PPP2R3B: variants seen among roughly 807,000 people sequenced by gnomAD.
PPP2R3B encodes the protein serine/threonine-protein phosphatase 2A regulatory subunit B'' subunit beta.
Under a neutral mutation model 72.9 loss-of-function variants are expected in PPP2R3B, and 68 were observed. The ratio of observed to expected loss-of-function variants is 0.93; its 90% confidence interval spans 0.77 to 1.14. The LOEUF (loss-of-function observed/expected upper bound fraction) is 1.14. PPP2R3B is among the 50% of genes most tolerant of loss of function. The pLI, the probability that PPP2R3B is intolerant of heterozygous loss-of-function variation, is 0.00. For missense variants in PPP2R3B, 1,018 were observed against 842.0 expected (o/e 1.21, Z -2.59); for synonymous variants, 466 against 375.8 (o/e 1.24, Z -2.78).
At chrX:344,209 A>G (rs1189958850) in intron 7 of PPP2R3B, among the ~76,000 whole-genome samples, 1 of 94,076 alleles carries the variant, frequency 1.1e-5, no homozygotes, top group Non-Finnish European at 2.4e-5. Context: ...CAGCAACGGG[A>G]GGCGGGATTG....
Position 341,918 on chromosome X carries a change from C to A in PPP2R3B, c.1050G>T (p.Lys350Asn). Residue 350 changes from lysine to asparagine, a missense_variant, in exon 8 of 13, where the codon AAG (lysine) becomes AAT (asparagine). By Grantham distance (94) the Lys-to-Asn change is moderately conservative (BLOSUM62 0). Transcript: ENST00000390665. ...CTCCTGAGAAGATCCTGTCTATCATCTTGGTAGAAAGGGCTGGAAAGGAAT... is the reference window on the plus strand; with the variant it reads ...CTCCTGAGAAGATCCTGTCTATCATATTGGTAGAAAGGGCTGGAAAGGAAT... ...ARHNDHALST[K>N]MIDRIFSGAV... The A allele has an allele frequency of 6.2e-7, 1 of 1,612,748 alleles. No individual in the cohort carries two copies. Among genetic ancestry groups the A allele is most frequent in the Non-Finnish European group, 8.5e-7 (1 of 1,179,762 alleles).
intron 10 of PPP2R3B, 151 bp from the exon 11 acceptor site, chrX:339,047 C>G (rs774238283): frequency 4.2e-6 from 3 of 722,472 alleles, no homozygotes; most frequent in Middle Eastern, 4.0e-4. Flanking sequence ...AAGGCGGACA[C>G]GCGAGTGTCC....
At chrX:364,660 G>T (rs1433614831) in intron 1 of PPP2R3B, among the ~76,000 whole-genome samples, 1 of 129,556 alleles carries the variant, frequency 7.7e-6, no homozygotes, top group African/African-American at 3.1e-5. Context: ...GGAGGTTGCA[G>T]TGAGCTGAGA....
rs1466461854 is a variant in PPP2R3B at position 334,175 on chromosome X, C to T, written c.*192G>A. 143 of 578,600 alleles carry T rather than the reference C, an allele frequency of 2.5e-4. No homozygotes were observed. In the East Asian group the frequency reaches 5.1e-3, roughly 21 times the overall value. 35.8% of individuals were successfully genotyped at this position (578,600 alleles called of 1,614,324 possible). On this transcript the variant is annotated 3_prime_UTR_variant, in exon 13 of 13. Coordinates refer to ENST00000390665, the MANE Select transcript of PPP2R3B (RefSeq NM_013239.5). ...CCCATTCACGCGCGGCCCTACGTGT[C>T]CCCCTGGCACAGAGCTCTGGGCAGG...
At chrX:374,224 T>TC (rs924831839) in intron 1 of PPP2R3B, among the ~76,000 whole-genome samples, 66 of 147,030 alleles carry the variant, frequency 4.5e-4, no homozygotes, top group African/African-American at 1.4e-3. Context: ...AGAAGTGAGG[T>TC]CCCCCCCCTC....
chrX:379,049 G>A lies in PPP2R3B; in HGVS notation c.324+7319C>T, dbSNP rs767412084. Among the ~76,000 whole-genome samples, 393 of 149,498 alleles carry A rather than the reference G, an allele frequency of 2.6e-3. 1 individual carries two copies. The highest frequency in any genetic ancestry group is 8.9e-3 in the African/African-American group (364 of 40,672). On this transcript the variant is annotated intron_variant, in intron 1 of 12. Transcript: ENST00000390665. ...TGCACCTGTGTGTGTGTATGCACCT[G>A]TGTGTTTGTGTGTATGCACCTGTGT... is the stretch of plus-strand genomic sequence containing the variant.
At chrX:361,330 C>T (rs1451114699) in intron 2 of PPP2R3B, 75 bp downstream of exon 2, 11 of 1,547,956 alleles carry the variant, frequency 7.1e-6, no homozygotes, top group Non-Finnish European at 9.7e-6. Flanking sequence ...ACGCACCCAC[C>T]ACGGCCGCTC....
intron 1 of PPP2R3B, among the ~76,000 whole-genome samples, chrX:368,188 C>T (rs1350371678): frequency 2.8e-5 from 4 of 145,040 alleles, no homozygotes; most frequent in African/African-American, 5.2e-5. Flanking sequence ...TGGGCACTGA[C>T]GGGGGGAAGG....
chrX:359,087 G>A (rs1246682439), intron 2 of PPP2R3B, among the ~76,000 whole-genome samples: 3 of 152,222 alleles, frequency 2.0e-5, no homozygotes, highest in Non-Finnish European at 2.9e-5. Context: ...GACCCGAAGC[G>A]GACGCAGCGC....
In PPP2R3B at chrX:386,645, TC is replaced by T; in HGVS notation, c.46del (p.Asp16ThrfsTer93). ...GCTGAGCCAGTACAGGAACAGCTCG[TC>T]CACCTTCATCTTCAGGACCGGCTGC... ...VLQPVLKMKV[D>X]ELFLYWLSEA... is the part of the protein sequence containing the mutation. On this transcript the variant is annotated frameshift_variant, in exon 1 of 13. Coordinates refer to ENST00000390665, the MANE Select transcript of PPP2R3B (RefSeq NM_013239.5). LOFTEE classifies it high-confidence loss of function. 7.0e-7 allele frequency: 1 copy of T among 1,418,864 alleles called. No individual in the cohort carries two copies. Among genetic ancestry groups the T allele is most frequent in the Non-Finnish European group, 9.2e-7 (1 of 1,086,322 alleles). 87.9% of individuals were successfully genotyped at this position (1,418,864 alleles called of 1,614,324 possible). A position where few individuals can be genotyped will look rare whatever the true frequency, so the allele number is the denominator to read the frequency against.
At chrX:370,578 T>C (rs2071837596) in intron 1 of PPP2R3B, among the ~76,000 whole-genome samples, 1 of 152,176 alleles carries the variant, frequency 6.6e-6, no homozygotes, top group Non-Finnish European at 1.5e-5. Context: ...GCTCCTGAGC[T>C]TGGTCTTCTG....
rs1344338809 is a variant in PPP2R3B at position 386,575 on chromosome X, G to C, written c.117C>G (p.Ile39Met). Reference sequence around the variant, plus strand: ...TCGGCTGGTCCCGCCCGGGCGCCTTGATCCGGCGCAGGCAGTCCTGCAGCA... The same window carrying C: ...TCGGCTGGTCCCGCCCGGGCGCCTTCATCCGGCGCAGGCAGTCCTGCAGCA... Reference protein sequence around the residue: ...QRMLQDCLRRIKAPGRDQPTP... With the variant: ...QRMLQDCLRRMKAPGRDQPTP... Residue 39 changes from isoleucine (I) to methionine (M), a missense_variant, in exon 1 of 13, where the codon ATC becomes ATG. Ile to Met is a conservative substitution (Grantham distance 10). Coordinates refer to ENST00000390665, the MANE Select transcript of PPP2R3B (RefSeq NM_013239.5). The C allele has an allele frequency of 2.8e-6, 4 of 1,447,354 alleles. No individual in the cohort carries two copies. Among genetic ancestry groups the C allele is most frequent in the East Asian group, 6.2e-5 (2 of 32,254 alleles). 89.7% of individuals were successfully genotyped at this position (1,447,354 alleles called of 1,614,324 possible). A position where few individuals can be genotyped will look rare whatever the true frequency, so the allele number is the denominator to read the frequency against.
intron 1 of PPP2R3B, among the ~76,000 whole-genome samples, chrX:382,116 C>T (rs142576315): frequency 1.3e-3 from 203 of 152,224 alleles, no homozygotes; most frequent in African/African-American, 4.7e-3. Context: ...GCCCACGGTC[C>T]ACACGCATCC....
Position 386,766 on chromosome X carries a change from C to G in PPP2R3B, c.-75G>C. 1 of 994,048 alleles carries G rather than the reference C, an allele frequency of 1.0e-6. No individual in the cohort carries two copies. The highest frequency in any genetic ancestry group is 1.3e-6 in the Non-Finnish European group (1 of 790,092). The allele number at this position is 994,048 out of a possible 1,614,324, so 61.6% of individuals were successfully genotyped here. A position where few individuals can be genotyped will look rare whatever the true frequency, so the allele number is the denominator to read the frequency against. ...CCCGGGGGCTTCGGTCCGCCCCGGA[C>G]CGACCTCGGTGATGCGAGCACGGCC... On this transcript the variant is annotated 5_prime_UTR_variant, in exon 1 of 13. Coordinates refer to ENST00000390665, the MANE Select transcript of PPP2R3B (RefSeq NM_013239.5).
At chrX:366,766 G>A (rs1192559060) in intron 1 of PPP2R3B, among the ~76,000 whole-genome samples, 1 of 113,498 alleles carries the variant, frequency 8.8e-6, no homozygotes, top group African/African-American at 3.6e-5. Flanking sequence ...GAGAGGCTGA[G>A]GCAGGAGAAT....
Position 333,951 on chromosome X carries a change from G to C in PPP2R3B, c.*416C>G, listed in dbSNP as rs959923689. ...CTGAAAATCCTCCAAACGTACAAGC[G>C]TGATCGCCAGAAACGGTTTTGTACG... On this transcript the variant is annotated 3_prime_UTR_variant, in exon 13 of 13. Coordinates refer to ENST00000390665, the MANE Select transcript of PPP2R3B (RefSeq NM_013239.5). 1.8e-5 allele frequency: 3 copies of C among 163,902 alleles called. No homozygotes were observed. The highest frequency in any genetic ancestry group is 7.1e-5 in the African/African-American group (3 of 41,964). 10.2% of individuals were successfully genotyped at this position (163,902 alleles called of 1,614,324 possible).
rs773409319 is a variant in PPP2R3B, at chrX:334,104, G to A, written c.*263C>T. 9.1e-5 allele frequency: 33 copies of A among 363,082 alleles called. No individual in the cohort carries two copies. Among genetic ancestry groups the A allele is most frequent in the Middle Eastern group, 7.2e-4 (1 of 1,390 alleles). The allele number at this position is 363,082 out of a possible 1,614,324, so 22.5% of individuals were successfully genotyped here. A position where few individuals can be genotyped will look rare whatever the true frequency, so the allele number is the denominator to read the frequency against. On this transcript the variant is annotated 3_prime_UTR_variant, in exon 13 of 13. Coordinates refer to ENST00000390665, the MANE Select transcript of PPP2R3B (RefSeq NM_013239.5). ...AGACGCAGGCCCCGGAACCCAGGCT[G>A]GGTCGGGAACGGCAAGCGCCAGAGG... is the stretch of plus-strand genomic sequence containing the variant.
chrX:378,644 T>G (rs2072050200), intron 1 of PPP2R3B, among the ~76,000 whole-genome samples: 1 of 151,732 alleles, frequency 6.6e-6, no homozygotes, highest in Non-Finnish European at 1.5e-5. Context: ...CCCGTCCACC[T>G]CATCTCAGGA....
intron 1 of PPP2R3B, among the ~76,000 whole-genome samples, chrX:382,411 T>C (rs1030615573): frequency 2.0e-5 from 3 of 152,056 alleles, no homozygotes; most frequent in African/African-American, 7.2e-5. Context: ...TTGGCCAGGT[T>C]GATCTCGAAC....
Sources: allele counts gnomAD v4.1 joint callset (sites outside exome capture counted in the v4.1 genomes callset), GRCh38; gene constraint gnomAD v4.1.1; transcripts MANE v1.5; gene names NCBI Gene and HGNC (gene_info 2026-07-23, HGNC 2026-07-21).